The following MOXD1 variants were observed in gnomAD, a reference collection of about 807,000 sequenced individuals.
MOXD1 encodes the protein monooxygenase DBH like 1.
MOXD1 carries 62 observed loss-of-function variants against 66.6 expected under a neutral mutation model. That is an observed-to-expected ratio of 0.93 (90% CI 0.76 to 1.15). The LOEUF (loss-of-function observed/expected upper bound fraction) is 1.15, where lower values mean the gene tolerates loss of function less well. Ranked by LOEUF, MOXD1 falls within the 50% of genes most tolerant of loss-of-function variation. The pLI is 0.00. For synonymous variants in MOXD1, 303 were observed against 281.9 expected, an observed-to-expected ratio of 1.07 and a Z score of -0.75; for missense variants, 847 against 754.6, an observed-to-expected ratio of 1.12 and a Z score of -1.44.
At chr6:132,380,643 T>G (rs1776488301) in intron 1 of MOXD1, among the ~76,000 whole-genome samples, 1 of 152,342 alleles carries the variant, frequency 6.6e-6, no homozygotes, top group South Asian at 2.1e-4. Flanking sequence ...TTTTCAACCA[T>G]GTGATAATTG....
chr6:132,390,667 A>G (rs921527219), intron 1 of MOXD1: 1 of 151,604 alleles, frequency 6.6e-6, no homozygotes, highest in Non-Finnish European at 1.5e-5. Context: ...CAGTCATATG[A>G]CAGCCACAGA....
intron 4 of MOXD1, among the ~76,000 whole-genome samples, chr6:132,362,895 C>T (rs1416038762): frequency 6.6e-6 from 1 of 152,198 alleles, no homozygotes; most frequent in Admixed American, 6.5e-5. Context: ...GCCTAATCAT[C>T]TTACTCTAAT....
intron 1 of MOXD1, among the ~76,000 whole-genome samples, chr6:132,392,876 C>A (rs1169646909): frequency 6.6e-6 from 1 of 152,148 alleles, no homozygotes; most frequent in Non-Finnish European, 1.5e-5. Context: ...AAATGGGCAG[C>A]GCAAATTTCC....
At chr6:132,367,572 C>A (rs1776172833) in intron 4 of MOXD1, among the ~76,000 whole-genome samples, 1 of 152,020 alleles carries the variant, frequency 6.6e-6, no homozygotes, top group Non-Finnish European at 1.5e-5. Flanking sequence ...ATACTGCATC[C>A]TTTTCCGGGC....
Position 132,359,030 on chromosome 6 carries a change from C to T in MOXD1, c.663+13578G>A, listed in dbSNP as rs530194577. Among the ~76,000 whole-genome samples the T allele has an allele frequency of 3.0e-3, 451 of 152,236 alleles. 3 individuals are homozygous for T. Among genetic ancestry groups the T allele is most frequent in the Non-Finnish European group, 5.0e-3 (339 of 68,002 alleles). On this transcript the variant is annotated intron_variant, in intron 4 of 11. Transcript: ENST00000367963. ...GAAATGGACATGGCTCTAACAAACT[C>T]CACTGTGAAGTCACTGGCTCTAGGG...
intron 6 of MOXD1, among the ~76,000 whole-genome samples, chr6:132,324,469 T>C (rs1775146181): frequency 6.6e-6 from 1 of 152,236 alleles, no homozygotes; most frequent in Admixed American, 6.5e-5. Context: ...AAAACTTTTA[T>C]TTTATATTGT....
intron 4 of MOXD1, among the ~76,000 whole-genome samples, chr6:132,351,197 T>C (rs1738474048): frequency 6.6e-6 from 1 of 152,112 alleles, no homozygotes; most frequent in African/African-American, 2.4e-5. Flanking sequence ...GGTGGTGAGA[T>C]TGGGCATCCT....
intron 1 of MOXD1, among the ~76,000 whole-genome samples, chr6:132,385,944 G>C: frequency 7.0e-6 from 1 of 142,064 alleles, no homozygotes; most frequent in South Asian, 2.3e-4. Context: ...TCTACTAAAA[G>C]TACAAAAAAT....
chr6:132,320,798 T>C, intron 8 of MOXD1, 110 bp from the exon 9 acceptor site: 1 of 874,388 alleles, frequency 1.1e-6, no homozygotes, highest in Non-Finnish European at 1.8e-6. Context: ...ATGCGCCAAG[T>C]AATTTCATTC....
At chr6:132,345,305 T>C (rs1459472121) in intron 4 of MOXD1, among the ~76,000 whole-genome samples, 1 of 152,220 alleles carries the variant, frequency 6.6e-6, no homozygotes, top group Non-Finnish European at 1.5e-5. Flanking sequence ...TTTCTGTGTC[T>C]ACATTTATGA....
chr6:132,397,700 A>AAG (rs1406730936), intron 1 of MOXD1, among the ~76,000 whole-genome samples: 1 of 148,492 alleles, frequency 6.7e-6, no homozygotes, highest in African/African-American at 2.5e-5. Flanking sequence ...GAAAGAAAGA[A>AAG]AAAGAAAGAG....
chr6:132,318,028 G>C (rs1281454111), intron 9 of MOXD1, among the ~76,000 whole-genome samples: 1 of 152,008 alleles, frequency 6.6e-6, no homozygotes, highest in East Asian at 1.9e-4. Flanking sequence ...AATATAGGCA[G>C]CTTTCATTCA....
chr6:132,369,523 C>T (rs527612419), intron 4 of MOXD1, among the ~76,000 whole-genome samples: 1 of 151,998 alleles, frequency 6.6e-6, no homozygotes, highest in South Asian at 2.1e-4. Context: ...CTTACAGAAG[C>T]ACTTGATGGC....
rs867037582 is a variant in MOXD1, at chr6:132,401,346, G to C, written c.81C>G (p.His27Gln). Reference sequence around the variant, plus strand: ...TGCCCTCCGAGTCCAGGAGGGTCCGGTGCGGATAGGTTCGGCCCGAGCCCC... The same window carrying C: ...TGCCCTCCGAGTCCAGGAGGGTCCGCTGCGGATAGGTTCGGCCCGAGCCCC... ...AAGGSGRTYP[H>Q]RTLLDSEGKY... The change falls in exon 1 of 12, where the codon CAC becomes CAG. Residue 27 changes from histidine to glutamine, a missense_variant. Coordinates refer to ENST00000367963, the MANE Select transcript of MOXD1 (RefSeq NM_015529.4). 15 of 1,575,354 alleles carry C rather than the reference G, an allele frequency of 9.5e-6. No homozygotes were observed. The highest frequency in any genetic ancestry group is 1.3e-5 in the Non-Finnish European group (15 of 1,166,190).
intron 1 of MOXD1, 84 bp from the exon 2 acceptor site, chr6:132,374,861 G>A (rs754488005): frequency 7.8e-7 from 1 of 1,284,064 alleles, no homozygotes; most frequent in Non-Finnish European, 1.1e-6. Context: ...ACAAAGTCTT[G>A]TTGTCTAGAG....
At chr6:132,314,898 A>T (rs1429500126) in intron 10 of MOXD1, among the ~76,000 whole-genome samples, 1 of 152,172 alleles carries the variant, frequency 6.6e-6, no homozygotes, top group Non-Finnish European at 1.5e-5. Context: ...TAGCTCCTAT[A>T]ATTGTACCGA....
chr6:132,349,434 T>TATATATATATGTATAC (rs1775748111), intron 4 of MOXD1, among the ~76,000 whole-genome samples: 1 of 32,086 alleles, frequency 3.1e-5, no homozygotes, highest in African/African-American at 1.5e-4. Context: ...TATATATATA[T>TATATATATATGTATAC]ACATATATAT....
chr6:132,301,486 A>G (rs1262693602), intron 10 of MOXD1, among the ~76,000 whole-genome samples: 2 of 152,126 alleles, frequency 1.3e-5, no homozygotes, highest in Admixed American at 6.6e-5. Flanking sequence ...TAAATTGAAA[A>G]GCAGATGGAG....
Position 132,372,815 on chromosome 6 carries a change from C to A in MOXD1, c.579+15G>T. On this transcript the variant is annotated intron_variant, in intron 3 of 11. Coordinates refer to ENST00000367963, the MANE Select transcript of MOXD1 (RefSeq NM_015529.4). ...TAAGCCCATCCCTACAATCATAAAA[C>A]CTGAAAACACTTACGTCCTGATTTA... 6.2e-7 allele frequency: 1 copy of A among 1,612,706 alleles called. No homozygotes were observed. The highest frequency in any genetic ancestry group is 8.5e-7 in the Non-Finnish European group (1 of 1,178,952).
Sources: allele counts gnomAD v4.1 joint callset (sites outside exome capture counted in the v4.1 genomes callset), GRCh38; gene constraint gnomAD v4.1.1; transcripts MANE v1.5; gene names NCBI Gene and HGNC (gene_info 2026-07-23, HGNC 2026-07-21).